Variants in TERB1 observed in about 807,000 individuals in gnomAD.
TERB1 encodes the protein telomere repeats-binding bouquet formation protein 1.
A neutral mutation model predicts 92.3 loss-of-function variants in TERB1; 63 were observed. The ratio of observed to expected loss-of-function variants is 0.68; its 90% CI spans 0.56 to 0.84. The LOEUF is 0.84. TERB1 is among the 40% of genes least tolerant of loss of function. TERB1 has a pLI of 0.00. For missense variants in TERB1, 709 were observed against 843.7 expected (o/e 0.84, Z 1.98); for synonymous variants, 252 against 283.9 (o/e 0.89, Z 1.13).
At chr16:66,801,655 C>G (rs943585660), upstream of TERB1, 1 of 152,238 alleles carries the variant, frequency 6.6e-6, no homozygotes, top group Non-Finnish European at 1.5e-5. Flanking sequence ...GCCCCGCCGC[C>G]CCTGCAAGGT....
chr16:66,754,855 T>A lies in TERB1; in HGVS notation c.*121A>T, dbSNP rs2145024652. 1 of 917,678 alleles carries A rather than the reference T, an allele frequency of 1.1e-6. No homozygotes were observed. The highest frequency in any genetic ancestry group is 3.0e-5 in the Admixed American group (1 of 33,322). The allele number at this position is 917,678 out of a possible 1,614,324, so 56.8% of individuals were successfully genotyped here. A position where few individuals can be genotyped will look rare whatever the true frequency, so the allele number is the denominator to read the frequency against. ...TTTCAGCATCACAAAAACTGTTTAATGAAAACTGTATCCTCATTTCCACAT... is the reference window on the plus strand; with the variant it reads ...TTTCAGCATCACAAAAACTGTTTAAAGAAAACTGTATCCTCATTTCCACAT... On this transcript the variant is annotated 3_prime_UTR_variant, in exon 19 of 19. Coordinates refer to ENST00000433154, the MANE Select transcript of TERB1 (RefSeq NM_001136505.2).
In TERB1 at chr16:66,769,947, A is replaced by T. The variant is rs1215105676; in HGVS notation, c.1619+16T>A. On this transcript the variant is annotated intron_variant, in intron 14 of 18. Transcript: ENST00000433154. ...TGCTGAATAAATAAAAGTTACACACAATTATTAAACTATACCTTGATTGAG... is the reference window on the plus strand; with the variant it reads ...TGCTGAATAAATAAAAGTTACACACTATTATTAAACTATACCTTGATTGAG... 1 of 1,500,104 alleles carries T rather than the reference A, an allele frequency of 6.7e-7. No homozygotes were observed. The highest frequency in any genetic ancestry group is 2.0e-5 in the Admixed American group (1 of 49,816). 92.9% of individuals were successfully genotyped at this position (1,500,104 alleles called of 1,614,324 possible).
chr16:66,784,854 G>C (rs980601473), intron 9 of TERB1, among the ~76,000 whole-genome samples: 1 of 146,338 alleles, frequency 6.8e-6, no homozygotes, highest in Non-Finnish European at 1.5e-5. Flanking sequence ...TCCTGCCTCC[G>C]CCTCCTGAGT....
At chr16:66,768,208 A>G in intron 14 of TERB1, 40 bp from the exon 15 acceptor site, 2 of 1,436,650 alleles carry the variant, frequency 1.4e-6, no homozygotes, top group Non-Finnish European at 1.9e-6. Context: ...AAGTAAACAT[A>G]CTGTTTGGTG....
intron 14 of TERB1, 122 bp from the exon 15 acceptor site, chr16:66,768,290 G>T: frequency 1.4e-6 from 1 of 707,364 alleles, no homozygotes; most frequent in Non-Finnish European, 2.4e-6. Flanking sequence ...CTGGAATCAC[G>T]ATCTACCACA....
intron 2 of TERB1, among the ~76,000 whole-genome samples, chr16:66,798,182 C>CTTTT (rs10653807): frequency 4.9e-5 from 7 of 143,066 alleles, no homozygotes; most frequent in African/African-American, 7.7e-5. Context: ...TTATTTTTGC[C>CTTTT]TTTTTTTTTT....
At chr16:66,785,095 C>T (rs1195861240) in intron 9 of TERB1, among the ~76,000 whole-genome samples, 1 of 149,996 alleles carries the variant, frequency 6.7e-6, no homozygotes, top group African/African-American at 2.5e-5. Context: ...TCTTGGCTCA[C>T]TGCAACTTCC....
In TERB1 at chr16:66,770,200, G is replaced by A. The variant is rs1436943258; in HGVS notation, c.1382C>T (p.Ala461Val). ...HADRIGRGSK[A>V]EDEDKSHSRQ... ...AGAATGGCTTTTATCCTCATCTTCT[G>A]CTTTGCTACCTCGACCAATCCGATC... Residue 461 changes from alanine (A) to valine (V), a missense_variant, in exon 14 of 19, where the codon GCA (alanine) becomes GTA (valine). Physicochemically the swap from Ala to Val is moderately conservative, Grantham distance 64. Coordinates refer to ENST00000433154, the MANE Select transcript of TERB1 (RefSeq NM_001136505.2). 1 of 1,552,186 alleles carries A rather than the reference G, an allele frequency of 6.4e-7. No homozygotes were observed. The highest frequency in any genetic ancestry group is 2.0e-5 in the Admixed American group (1 of 50,994).
intron 16 of TERB1, among the ~76,000 whole-genome samples, chr16:66,761,699 A>G (rs1290171515): frequency 1.3e-5 from 2 of 152,050 alleles, no homozygotes; most frequent in East Asian, 3.9e-4. Context: ...GAGGCAGGAG[A>G]ATCCCTTGAG....
intron 2 of TERB1, among the ~76,000 whole-genome samples, chr16:66,797,423 G>C (rs767441685): frequency 4.0e-5 from 6 of 151,682 alleles, no homozygotes; most frequent in Non-Finnish European, 7.4e-5. Context: ...TTTTTGTAGA[G>C]ACGGGGTTTC....
At chr16:66,770,739 C>T (rs571642549) in intron 13 of TERB1, among the ~76,000 whole-genome samples, 26 of 152,078 alleles carry the variant, frequency 1.7e-4, no homozygotes, top group Middle Eastern at 6.8e-3. Flanking sequence ...AGACCAAAAA[C>T]GTTATTCTGG....
chr16:66,765,897 C>T, intron 16 of TERB1, among the ~76,000 whole-genome samples: 1 of 108,370 alleles, frequency 9.2e-6, no homozygotes, highest in Non-Finnish European at 1.7e-5. Context: ...CGGAGTCTCG[C>T]TCTGTCGCCC....
chr16:66,761,136 A>G (rs2018239245), intron 16 of TERB1, among the ~76,000 whole-genome samples: 1 of 150,016 alleles, frequency 6.7e-6, no homozygotes, highest in Admixed American at 6.7e-5. Context: ...AGAAAAGAAA[A>G]GAAAAAGAAA....
At chr16:66,763,675 C>T (rs1277912160) in intron 16 of TERB1, among the ~76,000 whole-genome samples, 1 of 152,142 alleles carries the variant, frequency 6.6e-6, no homozygotes, top group African/African-American at 2.4e-5. Context: ...ACCACCATGG[C>T]ACATGTTTAC....
In TERB1 at chr16:66,785,442, A is replaced by G. The variant is rs149267358; in HGVS notation, c.700+344T>C. On this transcript the variant is annotated intron_variant, in intron 9 of 18. Coordinates refer to ENST00000433154, the MANE Select transcript of TERB1 (RefSeq NM_001136505.2). ...GATTTTAGTACTAAGTTGTTTAATT[A>G]CCAGATATTTGGGGCTTTTCTAGAT... Among the ~76,000 whole-genome samples the G allele has an allele frequency of 3.7e-3, 563 of 152,250 alleles. 3 individuals carry two copies. The highest frequency in any genetic ancestry group is 0.017 in the South Asian group (84 of 4,828).
At chr16:66,797,623 CCACACACACACA>C (rs71145942) in intron 2 of TERB1, among the ~76,000 whole-genome samples, 12 of 140,950 alleles carry the variant, frequency 8.5e-5, no homozygotes, top group South Asian at 2.3e-4. Flanking sequence ...TAAAAACACA[CCACACACACACA>C]CACACACACA....
At chr16:66,765,705 G>A (rs1054935036) in intron 16 of TERB1, among the ~76,000 whole-genome samples, 4 of 151,584 alleles carry the variant, frequency 2.6e-5, no homozygotes, top group African/African-American at 9.7e-5. Context: ...TAATCCACCC[G>A]CCTCGGCCTC....
At chr16:66,800,337 A>T (rs554940661) in intron 2 of TERB1, 1 of 150,836 alleles carries the variant, frequency 6.6e-6, no homozygotes, top group African/African-American at 2.4e-5. Flanking sequence ...CTGCACGCCA[A>T]CCTGGATGAT....
At chr16:66,761,517 G>C (rs1204229826) in intron 16 of TERB1, among the ~76,000 whole-genome samples, 1 of 151,794 alleles carries the variant, frequency 6.6e-6, no homozygotes, top group Non-Finnish European at 1.5e-5. Flanking sequence ...AGGGTTGAGA[G>C]TGGTGGCTCA....
Sources: gnomAD v4.1 joint callset for allele counts (sites outside exome capture counted in the v4.1 genomes callset) on GRCh38, gnomAD v4.1.1 for gene constraint, MANE v1.5 for transcripts, NCBI Gene and HGNC (gene_info 2026-07-23, HGNC 2026-07-21) for gene names.